GLIS3: variants seen among roughly 807,000 people sequenced by gnomAD.
The protein encoded by GLIS3 is GLIS family zinc finger 3, also known as zinc finger protein GLIS3.
Under a neutral mutation model 78.6 loss-of-function variants are expected in GLIS3, and 53 were observed. The observed-to-expected ratio is 0.67, with a 90% confidence interval of 0.54 to 0.85. The LOEUF is 0.85. Ranked by LOEUF, GLIS3 falls within the 40% of genes least tolerant of loss-of-function variation. The pLI is 0.00. For missense variants in GLIS3, 1,703 were observed against 1,231.1 expected (o/e 1.38, Z -5.74); for synonymous variants, 684 against 509.9 (o/e 1.34, Z -4.60).
intron 1 of GLIS3, among the ~76,000 whole-genome samples, chr9:4,291,075 G>A (rs1189884414): frequency 1.3e-5 from 2 of 152,110 alleles, no homozygotes; most frequent in African/African-American, 2.4e-5. Flanking sequence ...ATGTGGAGCA[G>A]AAAGTTAGGG....
chr9:4,245,389 T>A (rs1039663900), intron 2 of GLIS3, among the ~76,000 whole-genome samples: 1 of 152,210 alleles, frequency 6.6e-6, no homozygotes, highest in Admixed American at 6.5e-5. Context: ...ACTCATCACT[T>A]TGCCAAATTT....
chr9:3,955,083 G>C (rs1296860435), intron 4 of GLIS3, among the ~76,000 whole-genome samples: 2 of 152,198 alleles, frequency 1.3e-5, no homozygotes, highest in African/African-American at 2.4e-5. Context: ...TGGGGAGAGA[G>C]AGCATAGGCT....
At chr9:4,163,269 C>CAT (rs71324285) in intron 2 of GLIS3, among the ~76,000 whole-genome samples, 3 of 151,474 alleles carry the variant, frequency 2.0e-5, no homozygotes, top group Admixed American at 6.6e-5. Flanking sequence ...CACACACACA[C>CAT]GCGCACGCGC....
At chr9:4,255,945 T>C (rs1386452940) in intron 2 of GLIS3, among the ~76,000 whole-genome samples, 2 of 152,186 alleles carry the variant, frequency 1.3e-5, no homozygotes, top group Non-Finnish European at 2.9e-5. Context: ...GCGAATGCTA[T>C]GTATATATGC....
At chr9:4,457,420 C>A in the GLIS3 span, among the ~76,000 whole-genome samples, 1 of 151,860 alleles carries the variant, frequency 6.6e-6, no homozygotes, top group African/African-American at 2.4e-5. Flanking sequence ...TTGATTGCAC[C>A]CTCTGGAAGG....
the GLIS3 span, among the ~76,000 whole-genome samples, chr9:4,392,238 C>A: frequency 4.4e-5 from 6 of 137,024 alleles, no homozygotes; most frequent in East Asian, 1.5e-3. Context: ...TAGGGCCTGT[C>A]GTGGGGCGGG....
At chr9:4,352,684 G>C (rs1347212146), upstream of GLIS3, among the ~76,000 whole-genome samples, 1 of 152,264 alleles carries the variant, frequency 6.6e-6, no homozygotes, top group African/African-American at 2.4e-5. Flanking sequence ...TCGCAGGCCT[G>C]AAGGGCTATG....
At chr9:4,404,211 C>A in the GLIS3 span, among the ~76,000 whole-genome samples, 107,971 of 152,102 alleles carry the variant, frequency 0.71, 38,429 homozygotes, top group South Asian at 0.79. Context: ...TGGAGCAACC[C>A]GATATATAAA....
At chr9:3,993,101 T>G (rs1358735849) in intron 4 of GLIS3, among the ~76,000 whole-genome samples, 1 of 152,202 alleles carries the variant, frequency 6.6e-6, no homozygotes, top group Non-Finnish European at 1.5e-5. Context: ...GTTTTTGCAT[T>G]TCCTGTGTTC....
At chr9:4,372,748 A>C in the GLIS3 span, among the ~76,000 whole-genome samples, 1 of 152,194 alleles carries the variant, frequency 6.6e-6, no homozygotes, top group African/African-American at 2.4e-5. Context: ...AATAGAATCA[A>C]GGGAAGATGC....
intron 5 of GLIS3, chr9:3,933,024 CA>C (rs754756793): frequency 1.6e-5 from 4 of 243,722 alleles, no homozygotes; most frequent in Non-Finnish European, 3.3e-5. Context: ...TCCAAAGAAG[CA>C]TTAATAATAT....
intron 2 of GLIS3, among the ~76,000 whole-genome samples, chr9:4,213,353 G>A (rs1389970469): frequency 6.6e-6 from 1 of 152,112 alleles, no homozygotes; most frequent in Admixed American, 6.5e-5. Flanking sequence ...TTTAAAACCT[G>A]TACATATTCT....
intron 4 of GLIS3, among the ~76,000 whole-genome samples, chr9:4,002,816 T>C (rs1435020384): frequency 6.6e-6 from 1 of 152,152 alleles, no homozygotes; most frequent in African/African-American, 2.4e-5. Context: ...AAAGGGAAGT[T>C]ATCACCGATG....
intron 6 of GLIS3, among the ~76,000 whole-genome samples, chr9:3,907,534 T>C (rs1383337535): frequency 6.6e-6 from 1 of 151,376 alleles, no homozygotes; most frequent in African/African-American, 2.4e-5. Flanking sequence ...CTGCCGCCCC[T>C]CAGCTTTGGT....
intron 2 of GLIS3, among the ~76,000 whole-genome samples, chr9:4,332,323 C>G (rs1355282897): frequency 6.6e-6 from 1 of 152,178 alleles, no homozygotes; most frequent in East Asian, 1.9e-4. Context: ...TTAACTGGCC[C>G]TCATTACCCA....
At chr9:4,407,241 C>T in the GLIS3 span, among the ~76,000 whole-genome samples, 36 of 152,284 alleles carry the variant, frequency 2.4e-4, no homozygotes, top group African/African-American at 6.7e-4. Context: ...GATATCCTTA[C>T]GCAGAAGAAT....
At chr9:3,898,986 C>G in intron 6 of GLIS3, 151 bp from the exon 7 acceptor site, 3 of 941,644 alleles carry the variant, frequency 3.2e-6, no homozygotes, top group Non-Finnish European at 5.0e-6. Flanking sequence ...AACAGAGTGT[C>G]AATAAAAGGA....
At chr9:4,196,710 C>G (rs1050528523) in intron 2 of GLIS3, among the ~76,000 whole-genome samples, 1 of 152,194 alleles carries the variant, frequency 6.6e-6, no homozygotes, top group African/African-American at 2.4e-5. Flanking sequence ...ACTCCAGACA[C>G]GCCATTTTTA....
At chr9:3,998,385 A>G (rs978264198) in intron 4 of GLIS3, among the ~76,000 whole-genome samples, 3 of 152,168 alleles carry the variant, frequency 2.0e-5, no homozygotes, top group Non-Finnish European at 4.4e-5. Flanking sequence ...GAGTCAATTC[A>G]AATATATCAC....
Sources: gnomAD v4.1 joint callset for allele counts (sites outside exome capture counted in the v4.1 genomes callset) on GRCh38, gnomAD v4.1.1 for gene constraint, MANE v1.5 for transcripts, NCBI Gene and HGNC (gene_info 2026-07-23, HGNC 2026-07-21) for gene names.